Variants in HEMK2 observed in about 807,000 individuals in gnomAD.
The protein encoded by HEMK2 is methyltransferase HEMK2.
chr21:28,762,874 A>G, the HEMK2 span, among the ~76,000 whole-genome samples: 1 of 152,152 alleles, frequency 6.6e-6, no homozygotes, highest in South Asian at 2.1e-4. Flanking sequence ...ATGGTGTTAT[A>G]GCAAAAGAGA....
the HEMK2 span, among the ~76,000 whole-genome samples, chr21:28,774,782 T>C: frequency 0.047 from 7,165 of 152,284 alleles, 216 homozygotes; most frequent in Middle Eastern, 0.099. Flanking sequence ...ACGTAAGTAT[T>C]ATTTCTTTTG....
chr21:28,707,003 T>C, the HEMK2 span, among the ~76,000 whole-genome samples: 1 of 152,180 alleles, frequency 6.6e-6, no homozygotes, highest in East Asian at 1.9e-4. Context: ...ACATTTGGAT[T>C]CTCTAAAGTC....
the HEMK2 span, among the ~76,000 whole-genome samples, chr21:28,781,217 T>G: frequency 6.6e-6 from 1 of 152,356 alleles, no homozygotes; most frequent in East Asian, 1.9e-4. Flanking sequence ...ATTATTTGAC[T>G]TCTTCCTGCA....
the HEMK2 span, among the ~76,000 whole-genome samples, chr21:28,664,624 G>A: frequency 6.6e-6 from 1 of 152,124 alleles, no homozygotes; most frequent in African/African-American, 2.4e-5. Flanking sequence ...TATATTGTAA[G>A]CTAAAGAGAA....
At chr21:28,786,928 T>A in the HEMK2 span, among the ~76,000 whole-genome samples, 12,416 of 151,882 alleles carry the variant, frequency 0.082, 1,166 homozygotes, top group African/African-American at 0.22. Context: ...AAAAAACAGT[T>A]CTAAAATTCA....
the HEMK2 span, among the ~76,000 whole-genome samples, chr21:28,769,178 G>A: frequency 6.6e-6 from 1 of 152,100 alleles, no homozygotes; most frequent in Non-Finnish European, 1.5e-5. Context: ...CTCTCCAGAT[G>A]TCAGGGATCT....
chr21:28,659,811 C>T, the HEMK2 span, among the ~76,000 whole-genome samples: 1 of 151,990 alleles, frequency 6.6e-6, no homozygotes, highest in African/African-American at 2.4e-5. Flanking sequence ...GGTCTCTTGC[C>T]TTTCACACAA....
chr21:28,861,428 G>A, the HEMK2 span, among the ~76,000 whole-genome samples: 2 of 152,186 alleles, frequency 1.3e-5, no homozygotes, highest in Non-Finnish European at 2.9e-5. Flanking sequence ...AAAACTTCTA[G>A]GTCAAATGGA....
At chr21:28,719,304 G>C in the HEMK2 span, among the ~76,000 whole-genome samples, 9 of 152,084 alleles carry the variant, frequency 5.9e-5, no homozygotes, top group East Asian at 5.8e-4. Context: ...ATCTCACCTT[G>C]AATTGCAATA....
chr21:28,790,020 TTAAC>T, the HEMK2 span, among the ~76,000 whole-genome samples: 2 of 152,342 alleles, frequency 1.3e-5, no homozygotes, highest in East Asian at 3.9e-4. Flanking sequence ...ACTTACTTAG[TTAAC>T]TAACTACATT....
chr21:28,723,034 G>GTC, the HEMK2 span, among the ~76,000 whole-genome samples: 7 of 151,680 alleles, frequency 4.6e-5, no homozygotes, highest in East Asian at 3.9e-4. Flanking sequence ...ATAGAGACAA[G>GTC]TCTCTCTCTC....
chr21:28,711,286 A>G, the HEMK2 span, among the ~76,000 whole-genome samples: 1 of 152,178 alleles, frequency 6.6e-6, no homozygotes, highest in South Asian at 2.1e-4. Flanking sequence ...TATTCTATCT[A>G]TATGAGGGCT....
chr21:28,771,752 A>G, the HEMK2 span, among the ~76,000 whole-genome samples: 1 of 152,074 alleles, frequency 6.6e-6, no homozygotes, highest in East Asian at 1.9e-4. Context: ...AAAAACTGAC[A>G]TTCAAAAAAT....
chr21:28,783,404 C>T, the HEMK2 span, among the ~76,000 whole-genome samples: 35 of 152,258 alleles, frequency 2.3e-4, no homozygotes, highest in African/African-American at 8.2e-4. Context: ...AGGCTGGTCT[C>T]GAACTCCTGA....
At chr21:28,590,102 A>T in the HEMK2 span, among the ~76,000 whole-genome samples, 58,637 of 152,072 alleles carry the variant, frequency 0.39, 11,718 homozygotes, top group Middle Eastern at 0.48. Context: ...AGCTAAGACT[A>T]ATCTGTGTTA....
the HEMK2 span, among the ~76,000 whole-genome samples, chr21:28,762,062 TG>T: frequency 1.3e-5 from 2 of 152,272 alleles, no homozygotes; most frequent in Non-Finnish European, 2.9e-5. Flanking sequence ...ATACCCACTC[TG>T]GGGTAAATCT....
chr21:28,585,881 TTATAA>T, the HEMK2 span, among the ~76,000 whole-genome samples: 58,457 of 151,578 alleles, frequency 0.39, 13,916 homozygotes, highest in Non-Finnish European at 0.53. Context: ...ATAAAACAAA[TTATAA>T]TATAACCATA....
chr21:28,761,141 C>A, the HEMK2 span, among the ~76,000 whole-genome samples: 1 of 152,032 alleles, frequency 6.6e-6, no homozygotes, highest in Admixed American at 6.6e-5. Context: ...TTAGCTGAAA[C>A]TTATTGACTG....
At chr21:28,831,767 GAAAGAAAC>G in the HEMK2 span, among the ~76,000 whole-genome samples, 983 of 150,088 alleles carry the variant, frequency 6.5e-3, 26 homozygotes, top group Non-Finnish European at 8.1e-3. Flanking sequence ...AAGAAAGAAA[GAAAGAAAC>G]AGTATCACCT....
Sources: allele counts gnomAD v4.1 joint callset (sites outside exome capture counted in the v4.1 genomes callset), GRCh38; gene constraint gnomAD v4.1.1; transcripts MANE v1.5; gene names NCBI Gene and HGNC (gene_info 2026-07-23, HGNC 2026-07-21).